Variants in SHANK2 observed in about 807,000 individuals in gnomAD.
The protein encoded by SHANK2 is SH3 and multiple ankyrin repeat domains protein 2.
Under a neutral mutation model 133.7 loss-of-function variants are expected in SHANK2, and 43 were observed. The ratio of observed to expected loss-of-function variants is 0.32; its 90% confidence interval spans 0.25 to 0.41. The LOEUF is 0.41. Among genes scored for constraint, SHANK2 ranks in the 10% least tolerant of loss-of-function variants. The pLI, the probability that SHANK2 is intolerant of heterozygous loss-of-function variation, is 1.00. For synonymous variants in SHANK2, 1,017 were observed against 952.8 expected, an observed-to-expected ratio of 1.07 and a Z score of -1.24; for missense variants, 1,994 against 2,235.8, an observed-to-expected ratio of 0.89 and a Z score of 2.18.
At chr11:71,205,454 G>A (rs1555117858) in intron 2 of SHANK2, among the ~76,000 whole-genome samples, 1 of 152,214 alleles carries the variant, frequency 6.6e-6, no homozygotes, top group African/African-American at 2.4e-5. Flanking sequence ...TCCTGCCTGT[G>A]CCCCTCTTGC....
At chr11:70,710,241 G>C (rs1945753033) in intron 14 of SHANK2, among the ~76,000 whole-genome samples, 1 of 152,182 alleles carries the variant, frequency 6.6e-6, no homozygotes, top group Admixed American at 6.5e-5. Context: ...GGCAGGCCTG[G>C]CTCCCTCTTC....
chr11:71,065,816 T>G (rs1951047283), intron 9 of SHANK2, among the ~76,000 whole-genome samples: 7 of 33,454 alleles, frequency 2.1e-4, no homozygotes, highest in Admixed American at 9.1e-4. Flanking sequence ...GAGTGGTGAG[T>G]GGGGAAGTTG....
intron 17 of SHANK2, among the ~76,000 whole-genome samples, chr11:70,558,188 G>A (rs1000417373): frequency 2.6e-5 from 4 of 152,288 alleles, no homozygotes; most frequent in African/African-American, 9.6e-5. Flanking sequence ...GCGAGGGGGA[G>A]CCCCCTGGCC....
intron 3 of SHANK2, among the ~76,000 whole-genome samples, chr11:71,137,744 C>A (rs1249075073): frequency 1.3e-5 from 2 of 152,160 alleles, no homozygotes; most frequent in African/African-American, 4.8e-5. Flanking sequence ...CAAGGACAAA[C>A]CTTCTTGAAG....
intron 17 of SHANK2, among the ~76,000 whole-genome samples, chr11:70,609,275 C>T (rs1287881791): frequency 6.6e-6 from 1 of 152,164 alleles, no homozygotes; most frequent in Non-Finnish European, 1.5e-5. Context: ...GGTTTCAAAG[C>T]GAAAGAGGAA....
intron 8 of SHANK2, among the ~76,000 whole-genome samples, chr11:71,090,263 C>CTGTGTATATG (rs1195545838): frequency 2.7e-5 from 1 of 36,790 alleles, no homozygotes; most frequent in Admixed American, 2.9e-4. Context: ...AACACAACCT[C>CTGTGTATATG]TGTGTGTGTG....
intron 17 of SHANK2, among the ~76,000 whole-genome samples, chr11:70,579,172 C>T (rs2060153380): frequency 6.6e-6 from 1 of 152,226 alleles, no homozygotes; most frequent in African/African-American, 2.4e-5. Flanking sequence ...GGCAAGGTGG[C>T]CAAGGGCATG....
intron 17 of SHANK2, chr11:70,654,044 A>C (rs1285773053): frequency 6.6e-6 from 1 of 152,260 alleles, no homozygotes; most frequent in Non-Finnish European, 1.5e-5. Context: ...CTCTCGTGCA[A>C]GTATTTAATA....
intron 13 of SHANK2, among the ~76,000 whole-genome samples, chr11:70,803,283 C>T (rs537678751): frequency 8.4e-4 from 14 of 16,752 alleles, no homozygotes; most frequent in African/African-American, 2.2e-3. Context: ...CAAACTCAAC[C>T]GCACATCCAT....
At chr11:71,156,628 C>A (rs75904715) in intron 2 of SHANK2, among the ~76,000 whole-genome samples, 2,583 of 152,330 alleles carry the variant, frequency 0.017, 28 homozygotes, top group Non-Finnish European at 0.019. Flanking sequence ...GCTCTGAGAA[C>A]TAATTCCATT....
In SHANK2 at chr11:71,085,899, TTA is replaced by T. The variant is rs1565441986; in HGVS notation, c.912+6521_912+6522del. ...TATTTATATAACCTTAATATATATA[TTA>T]ATTATATATTAATATAACATAATAA... On this transcript the variant is annotated intron_variant, in intron 8 of 25. Coordinates refer to ENST00000601538, the MANE Select transcript of SHANK2 (RefSeq NM_012309.5). Among the ~76,000 whole-genome samples the T allele has an allele frequency of 6.6e-3, 216 of 32,936 alleles. 13 individuals are homozygous for T. The highest frequency in any genetic ancestry group is 0.011 in the Admixed American group (16 of 1,502). The allele number at this position is 32,936 out of a possible 152,430, so 21.6% of individuals were successfully genotyped here. A position where few individuals can be genotyped will look rare whatever the true frequency, so the allele number is the denominator to read the frequency against.
intron 17 of SHANK2, among the ~76,000 whole-genome samples, chr11:70,657,585 T>C (rs2061419887): frequency 6.6e-6 from 1 of 152,114 alleles, no homozygotes. Context: ...GCACCCTCAT[T>C]AGTGTATGAC....
intron 10 of SHANK2, among the ~76,000 whole-genome samples, chr11:70,950,431 T>C (rs1555086292): frequency 6.6e-6 from 1 of 152,088 alleles, no homozygotes; most frequent in East Asian, 1.9e-4. Flanking sequence ...CCTCAGGTGA[T>C]CCGCCCGCTT....
At chr11:71,064,419 C>A (rs1951022269) in intron 9 of SHANK2, among the ~76,000 whole-genome samples, 1 of 152,052 alleles carries the variant, frequency 6.6e-6, no homozygotes, top group South Asian at 2.1e-4. Context: ...GGCCGGGAGG[C>A]AGGAAGGCAG....
At chr11:71,087,258 C>T (rs1373594602) in intron 8 of SHANK2, among the ~76,000 whole-genome samples, 3 of 152,296 alleles carry the variant, frequency 2.0e-5, no homozygotes, top group African/African-American at 7.2e-5. Context: ...CAGCCTCCAC[C>T]GTTACCTCCA....
At chr11:71,113,479 A>T in intron 4 of SHANK2, 115 bp from the exon 5 acceptor site, 1 of 878,742 alleles carries the variant, frequency 1.1e-6, no homozygotes, top group East Asian at 2.6e-5. Context: ...ACCCCACAGC[A>T]AACTTCCAGT....
intron 17 of SHANK2, among the ~76,000 whole-genome samples, chr11:70,574,151 C>T (rs977573096): frequency 2.1e-4 from 32 of 152,378 alleles, no homozygotes; most frequent in African/African-American, 7.2e-4. Flanking sequence ...GCACTCATGG[C>T]GGCCCCTGCC....
intron 17 of SHANK2, among the ~76,000 whole-genome samples, chr11:70,551,463 G>A (rs782738268): frequency 2.6e-5 from 4 of 152,062 alleles, no homozygotes; most frequent in South Asian, 2.1e-4. Flanking sequence ...CCTGACTTTC[G>A]CCCCAGCATC....
At chr11:70,899,643 A>G (rs2135675890) in intron 10 of SHANK2, among the ~76,000 whole-genome samples, 1 of 152,238 alleles carries the variant, frequency 6.6e-6, no homozygotes, top group Non-Finnish European at 1.5e-5. Flanking sequence ...CCCACCTCCA[A>G]CTCAGCTTTG....
Sources: gnomAD v4.1 joint callset for allele counts (sites outside exome capture counted in the v4.1 genomes callset) on GRCh38, gnomAD v4.1.1 for gene constraint, MANE v1.5 for transcripts, NCBI Gene and HGNC (gene_info 2026-07-23, HGNC 2026-07-21) for gene names.